Variants in LDB2 observed in about 807,000 individuals in gnomAD.
LDB2 encodes LIM domain binding 2.
A neutral mutation model predicts 44.3 loss-of-function variants in LDB2; 12 were observed. The observed-to-expected ratio is 0.27, with a 90% CI of 0.17 to 0.44. LDB2 has a LOEUF of 0.44. Among genes scored for constraint, LDB2 ranks in the 20% least tolerant of loss-of-function variants. The pLI is 1.00. For synonymous variants in LDB2, 164 were observed against 174.8 expected (o/e 0.94, Z 0.49); for missense variants, 344 against 473.5 (o/e 0.73, Z 2.54).
chr4:16,569,466 T>C (rs1478222411), intron 5 of LDB2, among the ~76,000 whole-genome samples: 1 of 152,214 alleles, frequency 6.6e-6, no homozygotes, highest in Admixed American at 6.5e-5. Context: ...CAGAGCAATA[T>C]GTATGAGACT....
At chr4:16,659,377 C>T (rs1740821002) in intron 2 of LDB2, among the ~76,000 whole-genome samples, 1 of 152,148 alleles carries the variant, frequency 6.6e-6, no homozygotes, top group Non-Finnish European at 1.5e-5. Flanking sequence ...CCACTGAAGT[C>T]AACATGACTT....
intron 2 of LDB2, among the ~76,000 whole-genome samples, chr4:16,730,060 G>A (rs1232283259): frequency 6.6e-6 from 1 of 152,070 alleles, no homozygotes; most frequent in African/African-American, 2.4e-5. Flanking sequence ...AGATACTTCA[G>A]GTCTGTTCTA....
chr4:16,503,995 T>C (rs1718367654), intron 7 of LDB2, among the ~76,000 whole-genome samples: 1 of 152,128 alleles, frequency 6.6e-6, no homozygotes, highest in Non-Finnish European at 1.5e-5. Flanking sequence ...TGGATTCTTC[T>C]GGGCAGGCTC....
At chr4:16,742,449 A>G (rs1376984195) in intron 2 of LDB2, among the ~76,000 whole-genome samples, 2 of 152,186 alleles carry the variant, frequency 1.3e-5, no homozygotes, top group South Asian at 2.1e-4. Flanking sequence ...AGCTTACAGA[A>G]TTGAACCCAC....
chr4:16,843,837 C>G (rs987799262), intron 1 of LDB2, among the ~76,000 whole-genome samples: 1 of 152,054 alleles, frequency 6.6e-6, no homozygotes, highest in African/African-American at 2.4e-5. Flanking sequence ...TGGCCAGCCT[C>G]GAACTCCTGA....
intron 1 of LDB2, among the ~76,000 whole-genome samples, chr4:16,806,632 A>AAAGG (rs3046082): frequency 0.86 from 130,752 of 151,858 alleles, 56,922 homozygotes; most frequent in Middle Eastern, 0.96. Flanking sequence ...CAGGACTCAG[A>AAAGG]AAGGCTAACA....
rs761829819 is a variant in LDB2 at position 16,898,491 on chromosome 4, C to G, written c.-6G>C. ...TCATGTGGTGTGCTGGACATCTTGC[C>G]TGCTTTTCGAAAATCAAGCTAAACA... On this transcript the variant is annotated 5_prime_UTR_variant, in exon 1 of 8. Transcript: ENST00000304523. 6.2e-7 allele frequency: 1 copy of G among 1,613,278 alleles called. No individual in the cohort carries two copies. The highest frequency in any genetic ancestry group is 1.3e-5 in the African/African-American group (1 of 74,912).
intron 1 of LDB2, among the ~76,000 whole-genome samples, chr4:16,892,846 C>G (rs1365567258): frequency 6.6e-6 from 1 of 152,096 alleles, no homozygotes; most frequent in East Asian, 1.9e-4. Context: ...AATCCTACAT[C>G]ATAATTTACA....
At chr4:16,771,846 C>G (rs1770771190) in intron 1 of LDB2, among the ~76,000 whole-genome samples, 1 of 152,232 alleles carries the variant, frequency 6.6e-6, no homozygotes, top group South Asian at 2.1e-4. Context: ...CCCCTGTAAC[C>G]TGTGCTCTGC....
chr4:16,683,901 G>A (rs1748564599), intron 2 of LDB2, among the ~76,000 whole-genome samples: 1 of 152,162 alleles, frequency 6.6e-6, no homozygotes, highest in South Asian at 2.1e-4. Flanking sequence ...TCTAATCTGG[G>A]AAAATAGAGA....
At chr4:16,595,592 T>G (rs1468691126) in intron 3 of LDB2, 111 bp downstream of exon 3, 1 of 896,974 alleles carries the variant, frequency 1.1e-6, no homozygotes, top group Non-Finnish European at 1.7e-6. Flanking sequence ...GTGTTGAAAG[T>G]GTCTGGGAGA....
intron 1 of LDB2, among the ~76,000 whole-genome samples, chr4:16,789,497 G>A (rs999295897): frequency 3.9e-5 from 6 of 152,216 alleles, no homozygotes; most frequent in South Asian, 2.1e-4. Context: ...ACCATCTAGA[G>A]GAAGTTTGTG....
At chr4:16,829,956 T>C (rs1783770596) in intron 1 of LDB2, among the ~76,000 whole-genome samples, 2 of 151,876 alleles carry the variant, frequency 1.3e-5, no homozygotes, top group Non-Finnish European at 2.9e-5. Flanking sequence ...AATGCAAAAA[T>C]TAGCTGGGCG....
chr4:16,657,747 A>G (rs1271645593), intron 2 of LDB2, among the ~76,000 whole-genome samples: 1 of 152,128 alleles, frequency 6.6e-6, no homozygotes, highest in African/African-American at 2.4e-5. Flanking sequence ...AGTTCCTTAT[A>G]TATTTGTTGA....
At chr4:16,850,917 G>A (rs1448702797) in intron 1 of LDB2, among the ~76,000 whole-genome samples, 11 of 150,166 alleles carry the variant, frequency 7.3e-5, no homozygotes. Flanking sequence ...ATACTTAGGA[G>A]AAATGATATA....
chr4:16,806,608 T>C (rs930235604), intron 1 of LDB2, among the ~76,000 whole-genome samples: 36 of 122,688 alleles, frequency 2.9e-4, no homozygotes, highest in African/African-American at 8.6e-4. Context: ...AAACTACTTT[T>C]GCAGGAGTTC....
At chr4:16,698,697 C>A (rs1752746805) in intron 2 of LDB2, among the ~76,000 whole-genome samples, 1 of 152,006 alleles carries the variant, frequency 6.6e-6, no homozygotes, top group South Asian at 2.1e-4. Flanking sequence ...ATTTGTCATT[C>A]TTTTCATGTA....
At chr4:16,693,234 T>C (rs930811096) in intron 2 of LDB2, among the ~76,000 whole-genome samples, 1 of 152,208 alleles carries the variant, frequency 6.6e-6, no homozygotes, top group Non-Finnish European at 1.5e-5. Context: ...CTCAAGAATC[T>C]TGGTACCTAA....
intron 1 of LDB2, among the ~76,000 whole-genome samples, chr4:16,791,885 CAG>C (rs1775835285): frequency 6.6e-6 from 1 of 152,196 alleles, no homozygotes; most frequent in Admixed American, 6.6e-5. Flanking sequence ...TTGAGCACTT[CAG>C]AGAGCTGTGT....
Sources: allele counts gnomAD v4.1 joint callset (sites outside exome capture counted in the v4.1 genomes callset), GRCh38; gene constraint gnomAD v4.1.1; transcripts MANE v1.5; gene names NCBI Gene and HGNC (gene_info 2026-07-23, HGNC 2026-07-21).